ZNF471: variants seen among roughly 807,000 people sequenced by gnomAD.
The protein encoded by ZNF471 is EZFIT-related protein 1.
ZNF471 carries 7 observed loss-of-function variants against 13.7 expected under a neutral mutation model. The ratio of observed to expected loss-of-function variants is 0.51; its 90% CI spans 0.29 to 0.96. The LOEUF is 0.96. ZNF471 is among the 40% of genes least tolerant of loss of function. The pLI is 0.08. For synonymous variants in ZNF471, 218 were observed against 235.6 expected (o/e 0.93, Z 0.68); for missense variants, 663 against 743.3 (o/e 0.89, Z 1.26).
rs895054963 is a variant in ZNF471, at chr19:56,516,879, T to C, written c.160+478T>C. ...TCTTCTAAGCACTGGGGCCACCCCA[T>C]TGGCTAGATTAGCTTTCTGTTCTCC... is the stretch of plus-strand genomic sequence containing the variant. On this transcript the variant is annotated intron_variant, in intron 3 of 4. Transcript: ENST00000308031. The surrounding 1 kb of genome is among the most constrained non-coding windows in gnomAD (Gnocchi z 4.4). Among the ~76,000 whole-genome samples, 9 of 152,232 alleles carry C rather than the reference T, an allele frequency of 5.9e-5. No homozygotes were observed. Among genetic ancestry groups the C allele is most frequent in the African/African-American group, 2.2e-4 (9 of 41,466 alleles).
At chr19:56,515,388 GA>G in intron 2 of ZNF471, among the ~76,000 whole-genome samples, 1 of 152,236 alleles carries the variant, frequency 6.6e-6, no homozygotes, top group South Asian at 2.1e-4. Context: ...GTAAAACTGT[GA>G]GTACACAGAG....
At position 56,529,631 on chromosome 19, in the gene ZNF471, C is replaced by T. The variant is rs16987310; in HGVS notation, c.*3683C>T. On this transcript the variant is annotated 3_prime_UTR_variant, in exon 5 of 5. Transcript: ENST00000308031. ...AAGCAGCAAGGATAAGGTGCACAGT[C>T]TTGCAGAGCATGTCAACAAAATTTA... 35,638 of 152,090 alleles carry T rather than the reference C, an allele frequency of 0.23. 4,387 individuals are homozygous for T. The highest frequency in any genetic ancestry group is 0.26 in the Middle Eastern group (76 of 292). The allele number at this position is 152,090 out of a possible 1,614,324, so 9.4% of individuals were successfully genotyped here. A position where few individuals can be genotyped will look rare whatever the true frequency, so the allele number is the denominator to read the frequency against.
rs1213741384 is a variant in ZNF471, at chr19:56,515,383, A to G, written c.34-892A>G. On this transcript the variant is annotated intron_variant, in intron 2 of 4. Coordinates refer to ENST00000308031, the MANE Select transcript of ZNF471 (RefSeq NM_020813.4). ...AAGGTGAAAACTAGAATTCAGTAAA[A>G]CTGTGAGTACACAGAGAAATGTAAA... Among the ~76,000 whole-genome samples the G allele has an allele frequency of 2.7e-5, 4 of 147,974 alleles. No individual in the cohort carries two copies. In the East Asian group the frequency reaches 7.8e-4, roughly 29 times the overall value.
intron 2 of ZNF471, among the ~76,000 whole-genome samples, chr19:56,514,454 A>G (rs962652123): frequency 1.3e-5 from 2 of 152,064 alleles, no homozygotes; most frequent in Non-Finnish European, 1.5e-5. Context: ...TTTAATAGTC[A>G]TATTTCCTAA....
Position 56,524,432 on chromosome 19 carries a change from A to G in ZNF471, c.365A>G (p.Glu122Gly). Reference protein sequence around the residue: ...TSYGLECSTFEENWKWEDLFE... With the variant: ...TSYGLECSTFGENWKWEDLFE... Reference sequence around the variant, plus strand: ...TATGGACTTGAGTGTTCCACTTTTGAAGAAAATTGGAAATGGGAAGACCTT... The same window carrying G: ...TATGGACTTGAGTGTTCCACTTTTGGAGAAAATTGGAAATGGGAAGACCTT... Residue 122 changes from glutamate to glycine, a missense_variant, in exon 5 of 5, where the codon GAA becomes GGA. Transcript: ENST00000308031. This position sits in a 1 kb window ranked among gnomAD's most constrained non-coding sequence, Gnocchi z 4.8. The G allele has an allele frequency of 6.2e-7, 1 of 1,613,758 alleles. No individual in the cohort carries two copies. Among genetic ancestry groups the G allele is most frequent in the African/African-American group, 1.3e-5 (1 of 75,002 alleles).
Position 56,510,582 on chromosome 19 carries a change from CTG to C in ZNF471, c.-55-931_-55-930del, listed in dbSNP as rs1162842873. The C allele has an allele frequency of 2.0e-6, 2 of 985,532 alleles. No homozygotes were observed. The highest frequency in any genetic ancestry group is 2.4e-6 in the Non-Finnish European group (2 of 829,990). The allele number at this position is 985,532 out of a possible 1,614,324, so 61.0% of individuals were successfully genotyped here. ...ATGTCCTCAGGCAATGGAAATGTGA[CTG>C]TGTATATGTGCTTGTTTTGGGGTGC... is the stretch of plus-strand genomic sequence containing the variant. On this transcript the variant is annotated intron_variant, in intron 1 of 4. Coordinates refer to ENST00000308031, the MANE Select transcript of ZNF471 (RefSeq NM_020813.4). The surrounding 1 kb of genome is among the most constrained non-coding windows in gnomAD (Gnocchi z 4.3).
At position 56,510,386 on chromosome 19, in the gene ZNF471, T is replaced by G; in HGVS notation, c.-55-1131T>G. On this transcript the variant is annotated intron_variant, in intron 1 of 4. Coordinates refer to ENST00000308031, the MANE Select transcript of ZNF471 (RefSeq NM_020813.4). The surrounding 1 kb of genome is among the most constrained non-coding windows in gnomAD (Gnocchi z 4.3). ...CAAAATGGGTGAGAAAGAAACTATG[T>G]GAACCATGGTGTGTTATCCAAAAGG... 1.0e-6 allele frequency: 1 copy of G among 985,498 alleles called. No homozygotes were observed. Among genetic ancestry groups the G allele is most frequent in the Non-Finnish European group, 1.2e-6 (1 of 829,974 alleles). 61.0% of individuals were successfully genotyped at this position (985,498 alleles called of 1,614,324 possible).
intron 4 of ZNF471, among the ~76,000 whole-genome samples, chr19:56,521,519 G>C (rs532637059): frequency 2.0e-5 from 3 of 147,038 alleles, no homozygotes; most frequent in African/African-American, 7.6e-5. Flanking sequence ...TGTGCCTGTA[G>C]TCCCAGCTAC....
intron 1 of ZNF471, among the ~76,000 whole-genome samples, chr19:56,509,084 A>G (rs1460187369): frequency 6.6e-6 from 1 of 152,098 alleles, no homozygotes; most frequent in Non-Finnish European, 1.5e-5. Flanking sequence ...CATGCTAATG[A>G]TTGGTGGGCT....
At chr19:56,517,021 T>C (rs2043897427) in intron 3 of ZNF471, among the ~76,000 whole-genome samples, 1 of 152,214 alleles carries the variant, frequency 6.6e-6, no homozygotes, top group African/African-American at 2.4e-5. Flanking sequence ...TTTCTGTTCT[T>C]TTCTGTTTTG....
rs764383068 is a variant in ZNF471, at chr19:56,510,223, TC to T, written c.-55-1293del. On this transcript the variant is annotated intron_variant, in intron 1 of 4. Coordinates refer to ENST00000308031, the MANE Select transcript of ZNF471 (RefSeq NM_020813.4). The surrounding 1 kb of genome is among the most constrained non-coding windows in gnomAD (Gnocchi z 4.3). Reference sequence around the variant, plus strand: ...TGAGAGATCAGAGTGTGTTTGTGTATCTGTGTGAGACACTGGAGCATTTGAG... The same window carrying T: ...TGAGAGATCAGAGTGTGTTTGTGTATTGTGTGAGACACTGGAGCATTTGAG... The T allele has an allele frequency of 6.0e-5, 59 of 985,386 alleles. No individual in the cohort carries two copies. Among genetic ancestry groups the T allele is most frequent in the Non-Finnish European group, 7.0e-5 (58 of 829,998 alleles). 61.0% of individuals were successfully genotyped at this position (985,386 alleles called of 1,614,324 possible). A position where few individuals can be genotyped will look rare whatever the true frequency, so the allele number is the denominator to read the frequency against.
chr19:56,511,642 C>G, intron 2 of ZNF471, 38 bp downstream of exon 2: 1 of 1,539,338 alleles, frequency 6.5e-7, no homozygotes, highest in Non-Finnish European at 8.9e-7. Context: ...GAAAGGCAGT[C>G]TTGCTGTTTA....
intron 3 of ZNF471, among the ~76,000 whole-genome samples, chr19:56,517,288 C>T (rs1279261553): frequency 6.9e-6 from 1 of 145,982 alleles, no homozygotes; most frequent in Non-Finnish European, 1.5e-5. Context: ...CCCACCACCA[C>T]ACCCAGCTAA....
chr19:56,512,501 A>G (rs189397424), intron 2 of ZNF471, among the ~76,000 whole-genome samples: 3 of 152,212 alleles, frequency 2.0e-5, no homozygotes, highest in African/African-American at 7.2e-5. Flanking sequence ...TTTACATTAC[A>G]TGTATAATTT....
chr19:56,513,359 GTCAGTGT>G (rs1308208525), intron 2 of ZNF471, among the ~76,000 whole-genome samples: 1 of 152,178 alleles, frequency 6.6e-6, no homozygotes, highest in Non-Finnish European at 1.5e-5. Context: ...TTTGTTTTAA[GTCAGTGT>G]TCAGCGTAGC....
Position 56,510,448 on chromosome 19 carries a change from G to C in ZNF471, c.-55-1069G>C. On this transcript the variant is annotated intron_variant, in intron 1 of 4. Coordinates refer to ENST00000308031, the MANE Select transcript of ZNF471 (RefSeq NM_020813.4). This position sits in a 1 kb window ranked among gnomAD's most constrained non-coding sequence, Gnocchi z 4.3. ...TAACCTCTGTGAGGTTGTGAAGCATGCATGTGTGAGTGAGACAGAGATAAG... is the reference window on the plus strand; with the variant it reads ...TAACCTCTGTGAGGTTGTGAAGCATCCATGTGTGAGTGAGACAGAGATAAG... 2.0e-6 allele frequency: 2 copies of C among 985,734 alleles called. No individual in the cohort carries two copies. The highest frequency in any genetic ancestry group is 2.4e-6 in the Non-Finnish European group (2 of 829,996). 61.1% of individuals were successfully genotyped at this position (985,734 alleles called of 1,614,324 possible).
Position 56,526,143 on chromosome 19 carries a change from T to C in ZNF471, c.*195T>C. 1 of 539,084 alleles carries C rather than the reference T, an allele frequency of 1.9e-6. No individual in the cohort carries two copies. The highest frequency in any genetic ancestry group is 3.1e-6 in the Non-Finnish European group (1 of 319,646). The allele number at this position is 539,084 out of a possible 1,614,324, so 33.4% of individuals were successfully genotyped here. The stretch of plus-strand genomic sequence containing the variant: ...AGATCAACGCAGAAGGTGGGTGCTT[T>C]CTGTATTTCCAGCTGAGGTACCTGG... On this transcript the variant is annotated 3_prime_UTR_variant, in exon 5 of 5. Transcript: ENST00000308031.
In ZNF471 at chr19:56,527,660, A is replaced by C. The variant is rs1434424680; in HGVS notation, c.*1712A>C. The C allele has an allele frequency of 6.6e-6, 1 of 152,252 alleles. No individual in the cohort carries two copies. The highest frequency in any genetic ancestry group is 1.5e-5 in the Non-Finnish European group (1 of 68,048). The allele number at this position is 152,252 out of a possible 1,614,324, so 9.4% of individuals were successfully genotyped here. On this transcript the variant is annotated 3_prime_UTR_variant, in exon 5 of 5. Transcript: ENST00000308031. ...ACCTGATGGAGCTGAAAAACACAGCATGAGAACTTCGTGAAGCATACAGAA... is the reference window on the plus strand; with the variant it reads ...ACCTGATGGAGCTGAAAAACACAGCCTGAGAACTTCGTGAAGCATACAGAA...
chr19:56,509,028 G>T (rs534061304), intron 1 of ZNF471, among the ~76,000 whole-genome samples: 2 of 152,290 alleles, frequency 1.3e-5, no homozygotes, highest in Admixed American at 1.3e-4. Flanking sequence ...CCTGGCTTAC[G>T]ACTTCTAAGA....
Sources: gnomAD v4.1 joint callset for allele counts (sites outside exome capture counted in the v4.1 genomes callset) on GRCh38, gnomAD v4.1.1 for gene constraint, Gnocchi (gnomAD v3.1) non-coding constraint, MANE v1.5 for transcripts, NCBI Gene and HGNC (gene_info 2026-07-23, HGNC 2026-07-21) for gene names.